PDCD6: variants seen among roughly 807,000 people sequenced by gnomAD.
The protein encoded by PDCD6 is programmed cell death protein 6.
Under a neutral mutation model 28.3 loss-of-function variants are expected in PDCD6, and 12 were observed. That is an observed-to-expected ratio of 0.42 (90% CI 0.27 to 0.69). The LOEUF is 0.69. Ranked by LOEUF, PDCD6 falls within the 30% of genes least tolerant of loss-of-function variation. PDCD6 has a pLI of 0.22. For synonymous variants in PDCD6, 92 were observed against 108.0 expected, an observed-to-expected ratio of 0.85 and a Z score of 0.92; for missense variants, 226 against 269.9, an observed-to-expected ratio of 0.84 and a Z score of 1.14.
At chr5:295,192 A>T (rs1282263203) in intron 2 of PDCD6, among the ~76,000 whole-genome samples, 1 of 148,080 alleles carries the variant, frequency 6.8e-6, no homozygotes, top group African/African-American at 2.6e-5. Context: ...AAACAAAAAC[A>T]TATTAAAAAA....
chr5:302,372 A>T, intron 2 of PDCD6, among the ~76,000 whole-genome samples: 1 of 128,664 alleles, frequency 7.8e-6, no homozygotes, highest in African/African-American at 3.5e-5. Context: ...TAACTGCTGG[A>T]GGGTGGGTCG....
chr5:280,869 G>A (rs544435917), intron 2 of PDCD6, among the ~76,000 whole-genome samples: 1 of 152,330 alleles, frequency 6.6e-6, no homozygotes, highest in African/African-American at 2.4e-5. Flanking sequence ...GGCCGTGCTG[G>A]GCACTTTGGG....
chr5:303,779 A>G (rs1740287498), intron 2 of PDCD6, among the ~76,000 whole-genome samples: 1 of 148,422 alleles, frequency 6.7e-6, no homozygotes. Flanking sequence ...GATTTTCTGA[A>G]ATGGGAATTC....
chr5:293,155 C>T (rs1739413736), intron 2 of PDCD6, among the ~76,000 whole-genome samples: 1 of 152,224 alleles, frequency 6.6e-6, no homozygotes, highest in Admixed American at 6.5e-5. Flanking sequence ...CCCATATGGA[C>T]AAGCCCACAG....
intron 2 of PDCD6, among the ~76,000 whole-genome samples, chr5:299,764 T>C (rs996974767): frequency 9.2e-5 from 14 of 152,336 alleles, no homozygotes; most frequent in African/African-American, 9.6e-5. Flanking sequence ...TTAGCCAGGA[T>C]GGTCTCGATC....
chr5:303,730 ATGT>A (rs1740284423), intron 2 of PDCD6, among the ~76,000 whole-genome samples: 1 of 150,454 alleles, frequency 6.6e-6, no homozygotes, highest in Non-Finnish European at 1.5e-5. Flanking sequence ...CGACCAAGCT[ATGT>A]TCAGGTGTCT....
chr5:277,857 G>T (rs1738296702), intron 2 of PDCD6, among the ~76,000 whole-genome samples: 1 of 149,058 alleles, frequency 6.7e-6, no homozygotes, highest in Non-Finnish European at 1.5e-5. Context: ...AGAGGTTGCA[G>T]TGAGCTGAGA....
At chr5:272,190 C>T (rs1293141984) in intron 1 of PDCD6, among the ~76,000 whole-genome samples, 1 of 148,648 alleles carries the variant, frequency 6.7e-6, no homozygotes, top group Admixed American at 6.6e-5. Flanking sequence ...TTTTTCTCGC[C>T]TCAAGAGCCG....
At chr5:312,842 C>G (rs1741009016) in intron 5 of PDCD6, among the ~76,000 whole-genome samples, 1 of 151,668 alleles carries the variant, frequency 6.6e-6, no homozygotes, top group African/African-American at 2.4e-5. Context: ...GGAAAAGATG[C>G]CGTGTAAAAT....
chr5:291,658 A>G (rs1739321717), intron 2 of PDCD6, among the ~76,000 whole-genome samples: 1 of 139,720 alleles, frequency 7.2e-6, no homozygotes, highest in East Asian at 2.3e-4. Flanking sequence ...ACCCACCCAC[A>G]CTGACATGGC....
At chr5:303,098 C>T (rs547748977) in intron 2 of PDCD6, among the ~76,000 whole-genome samples, 2 of 152,158 alleles carry the variant, frequency 1.3e-5, no homozygotes, top group African/African-American at 4.8e-5. Flanking sequence ...GTGTGTGTGT[C>T]TTAGGAGGGG....
intron 2 of PDCD6, among the ~76,000 whole-genome samples, chr5:301,119 C>T (rs1371593512): frequency 1.3e-5 from 2 of 152,242 alleles, no homozygotes; most frequent in East Asian, 3.8e-4. Flanking sequence ...CACAGTGCAG[C>T]CTTCACTTGA....
At position 272,735 on chromosome 5, in the gene PDCD6, G is replaced by C. The variant is rs749278214; in HGVS notation, c.126G>C (p.Val42=). The change falls in exon 2 of 6, where the codon GTG becomes GTC. Residue 42 remains valine (V), a synonymous_variant. Transcript: ENST00000264933. ...FQRVDKDRSG[V]ISDTELQQAL... is the part of the protein sequence containing the mutation. ...GGGTCGATAAAGACAGGAGTGGAGT[G>C]ATATCAGACACCGAGCTTCAGCAAG... is the stretch of plus-strand genomic sequence containing the variant. The C allele has an allele frequency of 2.5e-6, 4 of 1,588,790 alleles. No homozygotes were observed. The African/African-American group carries it at 4.7e-5, about 19-fold the overall frequency.
At chr5:298,028 T>C (rs879535067) in intron 2 of PDCD6, among the ~76,000 whole-genome samples, 8 of 152,204 alleles carry the variant, frequency 5.3e-5, no homozygotes, top group Non-Finnish European at 8.8e-5. Context: ...CGTAAATAAA[T>C]GAAGCCATTA....
chr5:296,867 G>A (rs1282441971), intron 2 of PDCD6, among the ~76,000 whole-genome samples: 8 of 124,754 alleles, frequency 6.4e-5, no homozygotes, highest in Non-Finnish European at 1.9e-5. Flanking sequence ...TTCAGGGCAA[G>A]GGTCACCGGG....
At chr5:288,922 A>C (rs1338400973) in intron 2 of PDCD6, 1 of 1,587,430 alleles carries the variant, frequency 6.3e-7, no homozygotes, top group African/African-American at 1.3e-5. Context: ...GTTTTACTGG[A>C]ATTAGATCCT....
chr5:307,719 CAGTG>C lies in PDCD6; in HGVS notation c.367+962_367+965del, dbSNP rs985551711. ...ATTTGCTTAAAAGGCTCCTTAGAAA[CAGTG>C]AGGAAAATTCGATTCTACTTGAGTA... On this transcript the variant is annotated intron_variant, in intron 4 of 5. Coordinates refer to ENST00000264933, the MANE Select transcript of PDCD6 (RefSeq NM_013232.4). This position sits in a 1 kb window ranked among gnomAD's most constrained non-coding sequence, Gnocchi z 6.1. Among the ~76,000 whole-genome samples the C allele has an allele frequency of 6.6e-6, 1 of 152,210 alleles. No individual in the cohort carries two copies. Among genetic ancestry groups the C allele is most frequent in the African/African-American group, 2.4e-5 (1 of 41,450 alleles).
In PDCD6 at chr5:271,821, G is replaced by T; in HGVS notation, c.101G>T (p.Arg34Met). ...DQSFLWNVFQ[R>M]VDKDRSGVIS... The stretch of plus-strand genomic sequence containing the variant: ...AGCTTCCTGTGGAACGTTTTCCAGA[G>T]GTGCGGCCTGGCACCGCCCGGGCAC... The change falls in exon 1 of 6, where the codon AGG becomes ATG. Residue 34 changes from arginine to methionine, a missense_variant and splice_region_variant. By Grantham distance (91) the Arg-to-Met change is moderately conservative. This residue lies in a region of PDCD6 where 72 missense variants were observed against 71.4 expected (regional missense o/e 1.01). Transcript: ENST00000264933. 4 of 1,425,428 alleles carry T rather than the reference G, an allele frequency of 2.8e-6. No individual in the cohort carries two copies. The highest frequency in any genetic ancestry group is 2.8e-6 in the Non-Finnish European group (3 of 1,090,692). 88.3% of individuals were successfully genotyped at this position (1,425,428 alleles called of 1,614,324 possible).
chr5:296,790 A>G (rs1180540333), intron 2 of PDCD6, among the ~76,000 whole-genome samples: 4 of 152,106 alleles, frequency 2.6e-5, no homozygotes, highest in Non-Finnish European at 4.4e-5. Context: ...GGGCCCGTCG[A>G]GGCCCCTCTT....
Sources: gnomAD v4.1 joint callset for allele counts (sites outside exome capture counted in the v4.1 genomes callset) on GRCh38, gnomAD v4.1.1 for gene constraint, gnomAD v4.1.1 regional missense constraint, Gnocchi (gnomAD v3.1) non-coding constraint, MANE v1.5 for transcripts, NCBI Gene and HGNC (gene_info 2026-07-23, HGNC 2026-07-21) for gene names.